Variants in GFRAL observed in about 807,000 individuals in gnomAD.
GFRAL encodes GDNF family receptor alpha like, also known as GDNF family receptor alpha-like.
Under a neutral mutation model 45.4 loss-of-function variants are expected in GFRAL, and 36 were observed. The observed-to-expected ratio is 0.79, with a 90% CI of 0.61 to 1.05. The LOEUF is 1.05. GFRAL is among the 50% of genes least tolerant of loss of function. The pLI is 0.00. For synonymous variants in GFRAL, 166 were observed against 154.1 expected, an observed-to-expected ratio of 1.08 and a Z score of -0.57; for missense variants, 507 against 467.5, an observed-to-expected ratio of 1.08 and a Z score of -0.78.
At chr6:55,340,279 A>G (rs1767945247) in intron 3 of GFRAL, among the ~76,000 whole-genome samples, 1 of 152,190 alleles carries the variant, frequency 6.6e-6, no homozygotes, top group Non-Finnish European at 1.5e-5. Context: ...TGCATTCCCA[A>G]AATATTCTCC....
chr6:55,395,697 C>T (rs1768815680), intron 6 of GFRAL, among the ~76,000 whole-genome samples: 1 of 150,980 alleles, frequency 6.6e-6, no homozygotes, highest in African/African-American at 2.4e-5. Context: ...ATAACTTTTA[C>T]AATGCATTTA....
chr6:55,334,653 G>A (rs148429882), intron 3 of GFRAL, among the ~76,000 whole-genome samples: 1,986 of 149,140 alleles, frequency 0.013, 23 homozygotes, highest in Non-Finnish European at 0.022. Context: ...TTTACAAGAG[G>A]TAGATTTACC....
chr6:55,328,940 A>C (rs1441155197), intron 1 of GFRAL, among the ~76,000 whole-genome samples: 1 of 152,092 alleles, frequency 6.6e-6, no homozygotes, highest in Non-Finnish European at 1.5e-5. Flanking sequence ...TTGGTAAAGA[A>C]ATGTGGAAAA....
Position 55,393,581 on chromosome 6 carries a change from G to C in GFRAL, c.953-5599G>C, listed in dbSNP as rs79879534. On this transcript the variant is annotated intron_variant, in intron 6 of 8. Transcript: ENST00000340465. ...GTTCTAGGAAGAGGCAATAGCAAGG[G>C]TTGAGTGCTCCAGCAGTAAAGAAAA... 6.6e-3 allele frequency among the ~76,000 whole-genome samples: 1,002 copies of C among 152,238 alleles called. 5 individuals carry two copies. The highest frequency in any genetic ancestry group is 0.012 in the Non-Finnish European group (792 of 68,020).
rs187584282 is a variant in GFRAL at position 55,357,330 on chromosome 6, A to C, written c.702-1558A>C. 3.5e-3 allele frequency among the ~76,000 whole-genome samples: 539 copies of C among 151,890 alleles called. 4 individuals carry two copies. The highest frequency in any genetic ancestry group is 0.012 in the African/African-American group (512 of 41,522). On this transcript the variant is annotated intron_variant, in intron 5 of 8. Transcript: ENST00000340465. Reference sequence around the variant, plus strand: ...TTAGGTCTAATACTATTTGCTTTACATGTCTAGGTACTGCAGTGTTGGGTG... The same window carrying C: ...TTAGGTCTAATACTATTTGCTTTACCTGTCTAGGTACTGCAGTGTTGGGTG...
At chr6:55,374,383 T>C (rs1242144509) in intron 6 of GFRAL, among the ~76,000 whole-genome samples, 2 of 152,208 alleles carry the variant, frequency 1.3e-5, no homozygotes, top group Admixed American at 1.3e-4. Context: ...TGATCAGTGA[T>C]GTTAAGCTTT....
chr6:55,351,931 G>A (rs143021452), intron 5 of GFRAL, among the ~76,000 whole-genome samples: 2,018 of 151,774 alleles, frequency 0.013, 25 homozygotes, highest in Non-Finnish European at 0.022. Flanking sequence ...GTTTAATTAT[G>A]TAAGGCTGTT....
At chr6:55,332,707 C>T (rs770436515) in intron 2 of GFRAL, among the ~76,000 whole-genome samples, 10 of 152,052 alleles carry the variant, frequency 6.6e-5, no homozygotes, top group Non-Finnish European at 1.5e-4. Context: ...CAGGCGTGCA[C>T]CACCGTGCCT....
chr6:55,338,295 G>A (rs1020199753), intron 3 of GFRAL, among the ~76,000 whole-genome samples: 1 of 151,982 alleles, frequency 6.6e-6, no homozygotes, highest in African/African-American at 2.4e-5. Context: ...TTGCCATGTT[G>A]TCCAGGCTGG....
At chr6:55,336,813 G>C (rs1014335942) in intron 3 of GFRAL, among the ~76,000 whole-genome samples, 1 of 152,072 alleles carries the variant, frequency 6.6e-6, no homozygotes, top group African/African-American at 2.4e-5. Context: ...TTAGGAGAAA[G>C]GCATTCAGTT....
At chr6:55,329,647 C>T (rs967707731) in intron 1 of GFRAL, among the ~76,000 whole-genome samples, 2 of 151,980 alleles carry the variant, frequency 1.3e-5, no homozygotes, top group African/African-American at 4.8e-5. Flanking sequence ...AAGGGCTTGG[C>T]TAGATGAGGT....
intron 6 of GFRAL, among the ~76,000 whole-genome samples, chr6:55,365,235 CTGTT>C (rs1186661161): frequency 3.5e-5 from 5 of 143,954 alleles, no homozygotes; most frequent in Admixed American, 6.9e-5. Context: ...ATTTGGCTCT[CTGTT>C]TGTCTGTTGT....
At chr6:55,346,832 C>CT (rs1768048980) in intron 3 of GFRAL, among the ~76,000 whole-genome samples, 3 of 34,108 alleles carry the variant, frequency 8.8e-5, no homozygotes, top group Admixed American at 4.1e-4. Flanking sequence ...AACAAGAAAT[C>CT]CCCCCCCCCC....
intron 6 of GFRAL, among the ~76,000 whole-genome samples, chr6:55,359,904 T>C (rs1768250880): frequency 6.6e-6 from 1 of 151,990 alleles, no homozygotes. Flanking sequence ...TCAAGGATCA[T>C]TACTCTAACA....
intron 6 of GFRAL, among the ~76,000 whole-genome samples, chr6:55,373,555 T>C (rs1768481820): frequency 6.6e-6 from 1 of 152,200 alleles, no homozygotes; most frequent in South Asian, 2.1e-4. Flanking sequence ...TTCCCAAGTT[T>C]GCCTTATTTC....
At chr6:55,363,174 A>G (rs903337090) in intron 6 of GFRAL, among the ~76,000 whole-genome samples, 3 of 152,082 alleles carry the variant, frequency 2.0e-5, no homozygotes, top group African/African-American at 7.2e-5. Context: ...AAATTTAAAG[A>G]ATACAGAAAT....
At chr6:55,348,595 A>G (rs115505999) in intron 3 of GFRAL, among the ~76,000 whole-genome samples, 5 of 152,084 alleles carry the variant, frequency 3.3e-5, no homozygotes, top group East Asian at 1.9e-4. Context: ...AGCCAGCCAC[A>G]TTTTCCCTGC....
chr6:55,352,241 A>G (rs928935970), intron 5 of GFRAL, among the ~76,000 whole-genome samples: 3 of 152,122 alleles, frequency 2.0e-5, no homozygotes, highest in African/African-American at 7.2e-5. Flanking sequence ...AAATCAGTCA[A>G]TATTGCAAAC....
intron 2 of GFRAL, among the ~76,000 whole-genome samples, chr6:55,332,983 AAAT>A (rs1467604101): frequency 4.6e-5 from 7 of 152,116 alleles, no homozygotes; most frequent in African/African-American, 1.4e-4. Context: ...TATAATCTAA[AAAT>A]AATCTATTTA....
Sources: gnomAD v4.1 joint callset for allele counts (sites outside exome capture counted in the v4.1 genomes callset) on GRCh38, gnomAD v4.1.1 for gene constraint, MANE v1.5 for transcripts, NCBI Gene and HGNC (gene_info 2026-07-23, HGNC 2026-07-21) for gene names.